The following PI4K2A variants were observed in gnomAD, a reference collection of about 807,000 sequenced individuals.
The protein encoded by PI4K2A is phosphatidylinositol 4-kinase type 2 alpha.
Under a neutral mutation model 55.0 loss-of-function variants are expected in PI4K2A, and 20 were observed. The observed-to-expected ratio is 0.36, with a 90% confidence interval of 0.26 to 0.53. PI4K2A has a LOEUF of 0.53. Ranked by LOEUF, PI4K2A falls within the 20% of genes least tolerant of loss-of-function variation. The pLI, the probability that PI4K2A is intolerant of heterozygous loss-of-function variation, is 0.91. For missense variants in PI4K2A, 463 were observed against 637.1 expected, an observed-to-expected ratio of 0.73 and a Z score of 2.94; for synonymous variants, 235 against 258.5, an observed-to-expected ratio of 0.91 and a Z score of 0.87.
intron 8 of PI4K2A, among the ~76,000 whole-genome samples, chr10:97,671,564 TA>T (rs1051020972): frequency 2.0e-5 from 3 of 151,346 alleles, no homozygotes; most frequent in Non-Finnish European, 4.4e-5. Context: ...AACATTTATT[TA>T]AAAAAAAAGG....
intron 1 of PI4K2A, among the ~76,000 whole-genome samples, chr10:97,645,641 G>C (rs1003767052): frequency 6.7e-6 from 1 of 150,004 alleles, no homozygotes; most frequent in African/African-American, 2.5e-5. Flanking sequence ...GGTAGATGAT[G>C]CTTAAAATCT....
chr10:97,644,438 T>C (rs978683553), intron 1 of PI4K2A, among the ~76,000 whole-genome samples: 9 of 152,368 alleles, frequency 5.9e-5, no homozygotes, highest in African/African-American at 2.2e-4. Flanking sequence ...GTGACAGATA[T>C]TTTAAAATAA....
intron 1 of PI4K2A, among the ~76,000 whole-genome samples, chr10:97,646,428 G>A (rs2041505200): frequency 6.6e-6 from 1 of 151,892 alleles, no homozygotes; most frequent in African/African-American, 2.4e-5. Context: ...TGTTGGCCAG[G>A]GTGGTCTCAA....
rs147084224 is a variant in PI4K2A, at chr10:97,652,227, G to A, written c.636+1086G>A. On this transcript the variant is annotated intron_variant, in intron 2 of 8. Coordinates refer to ENST00000370631, the Ensembl canonical transcript of PI4K2A. ...AATTTTAGGGCAATGGTTCATAAAC[G>A]TTGCAGTCTATCTGTTGACACCCCA... is the stretch of plus-strand genomic sequence containing the variant. 2.2e-3 allele frequency among the ~76,000 whole-genome samples: 341 copies of A among 152,084 alleles called. 1 individual carries two copies. Among genetic ancestry groups the A allele is most frequent in the African/African-American group, 7.7e-3 (320 of 41,468 alleles).
exon 9 of PI4K2A, chr10:97,674,883 T>C (rs1034640228): frequency 2.0e-5 from 3 of 152,032 alleles, no homozygotes; most frequent in Admixed American, 6.6e-5. Context: ...GATTTCTCTA[T>C]GGCTTCCCTG....
At chr10:97,649,330 G>A (rs904676063) in intron 1 of PI4K2A, among the ~76,000 whole-genome samples, 1 of 152,176 alleles carries the variant, frequency 6.6e-6, no homozygotes, top group Non-Finnish European at 1.5e-5. Flanking sequence ...CTGGCCTGTT[G>A]AAGAAAACAC....
rs187878398 is a variant in PI4K2A, at chr10:97,657,952, C to T, written c.922+978C>T. Among the ~76,000 whole-genome samples the T allele has an allele frequency of 1.6e-3, 236 of 152,220 alleles. 2 individuals are homozygous for T. The highest frequency in any genetic ancestry group is 9.3e-4 in the Non-Finnish European group (63 of 68,028). On this transcript the variant is annotated intron_variant, in intron 4 of 8. Transcript: ENST00000370631. ...CTGGGTTCAAGTGATTTTCTCACCT[C>T]AGCCTTCTGAGTAGCTGGGATTACA...
At chr10:97,671,097 G>A (rs1006739428) in intron 8 of PI4K2A, among the ~76,000 whole-genome samples, 4 of 151,464 alleles carry the variant, frequency 2.6e-5, no homozygotes, top group Non-Finnish European at 4.4e-5. Context: ...AGATTGTGCC[G>A]TTGCACTCCA....
chr10:97,674,402 G>C (rs1301749720), exon 9 of PI4K2A: 1 of 152,214 alleles, frequency 6.6e-6, no homozygotes, highest in Non-Finnish European at 1.5e-5. Flanking sequence ...CTTTACCCCC[G>C]CCAGCACTTC....
chr10:97,667,489 C>T (rs1434427784), intron 8 of PI4K2A, among the ~76,000 whole-genome samples: 2 of 152,156 alleles, frequency 1.3e-5, no homozygotes, highest in South Asian at 2.1e-4. Flanking sequence ...GGATTACAGG[C>T]GTGAGGCCCT....
intron 1 of PI4K2A, among the ~76,000 whole-genome samples, chr10:97,641,460 G>T (rs1345935225): frequency 6.6e-6 from 1 of 152,188 alleles, no homozygotes; most frequent in Non-Finnish European, 1.5e-5. Context: ...TCCGCCGCTG[G>T]ACAGAGACTG....
At position 97,656,892 on chromosome 10, in the gene PI4K2A, A is replaced by T. The variant is rs2041557595; in HGVS notation, c.840A>T (p.Glu280Asp). 1 of 1,614,102 alleles carries T rather than the reference A, an allele frequency of 6.2e-7. No homozygotes were observed. Among genetic ancestry groups the T allele is most frequent in the Non-Finnish European group, 8.5e-7 (1 of 1,180,004 alleles). ...ATTGGCTGCGGCGTTTTGAAGCAGA[A>T]CCTCTTCCTGAGAACACTAACCGGC... The change falls in exon 4 of 9, where the codon GAA (glutamate) becomes GAT (aspartate). Residue 280 changes from glutamate (E) to aspartate (D), a missense_variant. Around this residue, in one of 2 missense-constraint regions of PI4K2A, gnomAD observed 277 missense variants for 432.6 expected, o/e 0.64. Transcript: ENST00000370631. This position sits in a 1 kb window ranked among gnomAD's most constrained non-coding sequence, Gnocchi z 4.5.
At chr10:97,641,168 C>T (rs768637810) in exon 1 of PI4K2A, 4 of 1,604,346 alleles carry the variant, frequency 2.5e-6, no homozygotes, top group Non-Finnish European at 3.4e-6. Flanking sequence ...TCGTCAAGGA[C>T]CCTCAGGGGG....
chr10:97,644,936 G>A (rs558885800), intron 1 of PI4K2A, among the ~76,000 whole-genome samples: 22 of 152,098 alleles, frequency 1.4e-4, no homozygotes, highest in Non-Finnish European at 2.8e-4. Context: ...TAACAGCCCT[G>A]GTCCCATTTC....
intron 2 of PI4K2A, among the ~76,000 whole-genome samples, chr10:97,651,739 T>A (rs1174481281): frequency 6.6e-6 from 1 of 152,154 alleles, no homozygotes; most frequent in Non-Finnish European, 1.5e-5. Context: ...CTTGTATGTG[T>A]TATAGACATA....
intron 1 of PI4K2A, among the ~76,000 whole-genome samples, chr10:97,642,134 A>AT (rs771213247): frequency 2.0e-5 from 3 of 152,038 alleles, no homozygotes; most frequent in Non-Finnish European, 4.4e-5. Flanking sequence ...GTTTCCTCAG[A>AT]TTTTCCCTGA....
exon 9 of PI4K2A, chr10:97,673,883 CTTT>C: frequency 1.4e-6 from 1 of 708,856 alleles, no homozygotes; most frequent in African/African-American, 1.8e-5. Flanking sequence ...CTGCTCAGAG[CTTT>C]CCACCCACAG....
At chr10:97,674,401 C>T (rs1054908669) in exon 9 of PI4K2A, 3 of 152,264 alleles carry the variant, frequency 2.0e-5, no homozygotes, top group Non-Finnish European at 2.9e-5. Context: ...GCTTTACCCC[C>T]GCCAGCACTT....
chr10:97,660,592 G>A (rs1393405230), intron 4 of PI4K2A, among the ~76,000 whole-genome samples: 3 of 151,650 alleles, frequency 2.0e-5, no homozygotes, highest in African/African-American at 7.3e-5. Context: ...TCGAGCCCGG[G>A]CTCTTCTTTT....
Sources: allele counts gnomAD v4.1 joint callset (sites outside exome capture counted in the v4.1 genomes callset), GRCh38; gene constraint gnomAD v4.1.1; regional missense constraint gnomAD v4.1.1; non-coding constraint Gnocchi (gnomAD v3.1); transcripts MANE v1.5; gene names NCBI Gene and HGNC (gene_info 2026-07-23, HGNC 2026-07-21).